Variants in BLTP1 observed in about 807,000 individuals in gnomAD.
The protein encoded by BLTP1 is bridge-like lipid transfer protein family member 1.
chr4:122,267,056 T>A, the BLTP1 span: 10 of 314,494 alleles, frequency 3.2e-5, no homozygotes, highest in African/African-American at 3.1e-4. Context: ...AAGTAATTTT[T>A]TTTTTTTTTT....
chr4:122,153,250 A>G, the BLTP1 span, among the ~76,000 whole-genome samples: 1 of 151,176 alleles, frequency 6.6e-6, no homozygotes, highest in South Asian at 2.1e-4. Context: ...TTTTAAGGAA[A>G]TCATGGGCTT....
At chr4:122,198,553 G>A in the BLTP1 span, 1 of 560,572 alleles carries the variant, frequency 1.8e-6, no homozygotes, top group Non-Finnish European at 2.3e-6. Flanking sequence ...GTACACTGGA[G>A]TAAAGGAGTC....
At chr4:122,349,214 A>T in the BLTP1 span, 1 of 1,613,460 alleles carries the variant, frequency 6.2e-7, no homozygotes, top group Non-Finnish European at 8.5e-7. The surrounding 1 kb of genome is among the most constrained non-coding windows in gnomAD (Gnocchi z 4.5). Context: ...AGTAATCGTG[A>T]TCGAGAGATC....
At chr4:122,224,018 C>T in the BLTP1 span, 1 of 978,358 alleles carries the variant, frequency 1.0e-6, no homozygotes, top group Non-Finnish European at 1.2e-6. Flanking sequence ...TGTAAGAAAA[C>T]TCTCCTTGTA....
At chr4:122,197,314 GAAAT>G in the BLTP1 span, 3 of 1,272,698 alleles carry the variant, frequency 2.4e-6, no homozygotes, top group Non-Finnish European at 2.1e-6. Context: ...AATAATTAGG[GAAAT>G]AATTATAAAT....
the BLTP1 span, chr4:122,305,561 T>C: frequency 2.0e-6 from 2 of 984,706 alleles, no homozygotes; most frequent in African/African-American, 1.7e-5. Flanking sequence ...GAGGAAAAAA[T>C]GAACAAAAAT....
the BLTP1 span, chr4:122,228,996 T>C: frequency 7.7e-6 from 6 of 779,834 alleles, no homozygotes; most frequent in Non-Finnish European, 1.2e-5. Context: ...AGAATGAAAT[T>C]AGACTGATTT....
the BLTP1 span, chr4:122,237,214 G>A: frequency 2.0e-5 from 20 of 985,270 alleles, no homozygotes; most frequent in Non-Finnish European, 2.2e-5. Flanking sequence ...AAACAGGGAT[G>A]GTAGGAGGAG....
chr4:122,180,153 A>G, the BLTP1 span: 1 of 985,248 alleles, frequency 1.0e-6, no homozygotes, highest in African/African-American at 1.7e-5. Context: ...GTAAATAAAT[A>G]GTAGAAAGAA....
chr4:122,165,995 T>A, the BLTP1 span, among the ~76,000 whole-genome samples: 2 of 152,036 alleles, frequency 1.3e-5, no homozygotes, highest in Non-Finnish European at 2.9e-5. Context: ...ATGAGTAGAT[T>A]GCAAAAATTT....
chr4:122,193,906 A>G, the BLTP1 span, among the ~76,000 whole-genome samples: 1 of 152,176 alleles, frequency 6.6e-6, no homozygotes. Flanking sequence ...TCTGTCGCCC[A>G]GGCTGGAGTG....
chr4:122,199,372 T>C, the BLTP1 span: 1 of 1,613,044 alleles, frequency 6.2e-7, no homozygotes, highest in Non-Finnish European at 8.5e-7. Flanking sequence ...ACACTCCTGC[T>C]ATTAAGGGAC....
At chr4:122,265,465 G>A in the BLTP1 span, among the ~76,000 whole-genome samples, 1 of 152,170 alleles carries the variant, frequency 6.6e-6, no homozygotes, top group South Asian at 2.1e-4. Flanking sequence ...GATATGGAGG[G>A]CCAACTGTAC....
At chr4:122,152,831 C>A in the BLTP1 span, 1 of 368,400 alleles carries the variant, frequency 2.7e-6, no homozygotes, top group Non-Finnish European at 3.8e-6. Flanking sequence ...GATACAGGAG[C>A]AGTTCCTGCG....
chr4:122,234,283 T>C, the BLTP1 span: 2 of 347,764 alleles, frequency 5.8e-6, no homozygotes, highest in Non-Finnish European at 8.1e-6. Flanking sequence ...TTTAATTTTA[T>C]TGAGAAATAA....
chr4:122,240,329 ACAG>A, the BLTP1 span: 1 of 1,613,996 alleles, frequency 6.2e-7, no homozygotes, highest in Non-Finnish European at 8.5e-7. Context: ...CGTCATTTGA[ACAG>A]CTTTCTGTTC....
chr4:122,263,748 G>T, the BLTP1 span: 1 of 546,692 alleles, frequency 1.8e-6, no homozygotes. Flanking sequence ...TGATAATATT[G>T]TAATTGAGAG....
At chr4:122,296,007 C>T in the BLTP1 span, among the ~76,000 whole-genome samples, 23 of 152,268 alleles carry the variant, frequency 1.5e-4, no homozygotes, top group Admixed American at 1.4e-3. Flanking sequence ...GAAGCATTCC[C>T]CTTGAAAACT....
At chr4:122,350,532 G>A in the BLTP1 span, 1 of 239,210 alleles carries the variant, frequency 4.2e-6, no homozygotes, top group Non-Finnish European at 6.8e-6. Context: ...CCCTCATGAA[G>A]CTCAGATTCT....
Sources: gnomAD v4.1 joint callset for allele counts (sites outside exome capture counted in the v4.1 genomes callset) on GRCh38, gnomAD v4.1.1 for gene constraint, Gnocchi (gnomAD v3.1) non-coding constraint, MANE v1.5 for transcripts, NCBI Gene and HGNC (gene_info 2026-07-23, HGNC 2026-07-21) for gene names.